Variants in TCF20 observed in about 807,000 individuals in gnomAD.
TCF20 encodes SPRE-binding protein.
Under a neutral mutation model 148.6 loss-of-function variants are expected in TCF20, and 3 were observed. The observed-to-expected ratio is 0.02, with a 90% CI of 0.01 to 0.05. TCF20 has a LOEUF of 0.05. Among genes scored for constraint, TCF20 ranks in the 10% least tolerant of loss-of-function variants. The pLI is 1.00. For missense variants in TCF20, 2,350 were observed against 2,429.3 expected (o/e 0.97, Z 0.69); for synonymous variants, 1,049 against 909.5 (o/e 1.15, Z -2.76).
chr22:42,183,858 T>C (rs1936908612), intron 2 of TCF20, among the ~76,000 whole-genome samples: 1 of 150,102 alleles, frequency 6.7e-6, no homozygotes, highest in African/African-American at 2.5e-5. Context: ...AACCTCCACC[T>C]CCCGGGTTCA....
intron 3 of TCF20, among the ~76,000 whole-genome samples, chr22:42,173,447 A>G (rs1279755049): frequency 2.6e-5 from 4 of 152,118 alleles, no homozygotes; most frequent in Non-Finnish European, 4.4e-5. Flanking sequence ...ATGTCCCAGT[A>G]ATAAAAGTCT....
chr22:42,209,195 C>A (rs1938598901), intron 2 of TCF20, among the ~76,000 whole-genome samples: 2 of 152,184 alleles, frequency 1.3e-5, no homozygotes, highest in Non-Finnish European at 2.9e-5. Flanking sequence ...CTCCCACACA[C>A]CCTTTCTCAC....
chr22:42,241,013 G>A (rs191523030), intron 1 of TCF20, among the ~76,000 whole-genome samples: 4 of 152,054 alleles, frequency 2.6e-5, no homozygotes, highest in East Asian at 1.9e-4. Context: ...CCGCCATCAC[G>A]CCCGGCTAAT....
intron 2 of TCF20, among the ~76,000 whole-genome samples, chr22:42,182,948 G>A (rs1219710079): frequency 6.6e-6 from 1 of 152,172 alleles, no homozygotes; most frequent in Non-Finnish European, 1.5e-5. Context: ...TGTTGGCCAG[G>A]CTGGTCTTGA....
chr22:42,221,739 G>GTTTTTTTGTTT (rs1922376683), intron 1 of TCF20, among the ~76,000 whole-genome samples: 1 of 92,820 alleles, frequency 1.1e-5, no homozygotes, highest in Non-Finnish European at 1.9e-5. Context: ...ATGGCAAAGG[G>GTTTTTTTGTTT]TTTTTTTTTT....
intron 1 of TCF20, among the ~76,000 whole-genome samples, chr22:42,252,270 G>T (rs183940355): frequency 6.8e-6 from 1 of 146,724 alleles, no homozygotes; most frequent in Non-Finnish European, 1.5e-5. Flanking sequence ...GCGACAGAAC[G>T]AAAGTCCATC....
rs71184878 is a variant in TCF20 at position 42,251,492 on chromosome 22, CTTTTTTTTT to C, written c.-37+18838_-37+18846del. ...ACTCTGTACCTGGCCAAACAAGTGTCTTTTTTTTTTTTTTTTTTTTTTTTTTTTGAGACA... is the reference window on the plus strand; with the variant it reads ...ACTCTGTACCTGGCCAAACAAGTGTCTTTTTTTTTTTTTTTTTTTGAGACA... On this transcript the variant is annotated intron_variant, in intron 1 of 5. Coordinates refer to ENST00000677622, the MANE Select transcript of TCF20 (RefSeq NM_001378418.1). Among the ~76,000 whole-genome samples the C allele has an allele frequency of 4.7e-3, 220 of 47,018 alleles. 1 individual carries two copies. Among genetic ancestry groups the C allele is most frequent in the Admixed American group, 0.013 (42 of 3,184 alleles). 30.8% of individuals were successfully genotyped at this position (47,018 alleles called of 152,430 possible). A position where few individuals can be genotyped will look rare whatever the true frequency, so the allele number is the denominator to read the frequency against.
upstream of TCF20, among the ~76,000 whole-genome samples, chr22:42,288,901 A>G (rs1927083489): frequency 6.6e-6 from 1 of 151,990 alleles, no homozygotes; most frequent in Non-Finnish European, 1.5e-5. Flanking sequence ...GGCTCCAAAG[A>G]CCACACTCCT....
At chr22:42,235,273 C>T (rs1199661149) in intron 1 of TCF20, among the ~76,000 whole-genome samples, 1 of 152,160 alleles carries the variant, frequency 6.6e-6, no homozygotes, top group African/African-American at 2.4e-5. Context: ...AAAACTACTC[C>T]TGACAGCAGT....
chr22:42,266,331 G>GT (rs1454242408), intron 1 of TCF20, among the ~76,000 whole-genome samples: 1 of 152,216 alleles, frequency 6.6e-6, no homozygotes, highest in African/African-American at 2.4e-5. Context: ...CTTGGACAGA[G>GT]TCTAGCACAA....
At chr22:42,339,587 C>T (rs77082277) in intron 1 of TCF20, among the ~76,000 whole-genome samples, 47 of 152,378 alleles carry the variant, frequency 3.1e-4, no homozygotes, top group Non-Finnish European at 5.9e-4. Context: ...ACCCACTCTG[C>T]GTCAGCATGT....
chr22:42,273,228 C>T (rs918675637), upstream of TCF20, among the ~76,000 whole-genome samples: 4 of 151,688 alleles, frequency 2.6e-5, no homozygotes, highest in Non-Finnish European at 5.9e-5. Context: ...GGCGTGGTGG[C>T]GGGCGCCTGT....
In TCF20 at chr22:42,299,557, G is replaced by A. The variant is rs1267238123; in HGVS notation, c.-37+43922C>T. ...ACCCCGAGGAACTGGAATGGGGGTG[G>A]AGGGGAATCACATGTCCCACTGGTC... On this transcript the variant is annotated intron_variant, in intron 1 of 1. Coordinates refer to the TCF20 transcript ENST00000515426. The surrounding 1 kb of genome is among the most constrained non-coding windows in gnomAD (Gnocchi z 4.1). 6.6e-6 allele frequency among the ~76,000 whole-genome samples: 1 copy of A among 152,216 alleles called. No individual in the cohort carries two copies. The highest frequency in any genetic ancestry group is 1.5e-5 in the Non-Finnish European group (1 of 68,040).
chr22:42,201,945 T>C (rs935876490), intron 2 of TCF20, among the ~76,000 whole-genome samples: 1 of 152,198 alleles, frequency 6.6e-6, no homozygotes, highest in Non-Finnish European at 1.5e-5. Flanking sequence ...TTGAGAGATA[T>C]AATTCCTGAG....
intron 2 of TCF20, among the ~76,000 whole-genome samples, chr22:42,205,898 A>T (rs9623540): frequency 8.5e-5 from 13 of 152,132 alleles, no homozygotes; most frequent in African/African-American, 2.7e-4. Context: ...CAGCCTCCCG[A>T]GTAGCTGGGA....
At chr22:42,262,243 C>A (rs1433206170) in intron 1 of TCF20, among the ~76,000 whole-genome samples, 1 of 152,104 alleles carries the variant, frequency 6.6e-6, no homozygotes, top group Non-Finnish European at 1.5e-5. Flanking sequence ...CAGACACCAG[C>A]AGAAATGAGG....
At chr22:42,183,702 ATGAC>A (rs1936895779) in intron 2 of TCF20, among the ~76,000 whole-genome samples, 2 of 152,146 alleles carry the variant, frequency 1.3e-5, no homozygotes, top group Non-Finnish European at 2.9e-5. Flanking sequence ...GTAAGGTGTT[ATGAC>A]AATGATAGAA....
intron 1 of TCF20, among the ~76,000 whole-genome samples, chr22:42,244,012 C>A (rs552088869): frequency 1.3e-5 from 2 of 152,260 alleles, no homozygotes; most frequent in South Asian, 4.1e-4. Context: ...AGGAGACCAG[C>A]CTGGCCAACC....
rs1927718456 is a variant in TCF20 at position 42,320,810 on chromosome 22, T to C, written c.-37+22669A>G. 2.0e-5 allele frequency among the ~76,000 whole-genome samples: 3 copies of C among 152,152 alleles called. No homozygotes were observed. The South Asian group carries it at 6.2e-4, about 32-fold the overall frequency. On this transcript the variant is annotated intron_variant, in intron 1 of 1. Transcript: ENST00000515426. ...GCTACATCCGCAACTTTGCCAGGGG[T>C]GGCAGAGGGGACTCAGGTACTGCGA...
Sources: allele counts gnomAD v4.1 joint callset (sites outside exome capture counted in the v4.1 genomes callset), GRCh38; gene constraint gnomAD v4.1.1; non-coding constraint Gnocchi (gnomAD v3.1); transcripts MANE v1.5; gene names NCBI Gene and HGNC (gene_info 2026-07-23, HGNC 2026-07-21).